Variants in FHIT observed in about 807,000 individuals in gnomAD.
FHIT encodes the protein bis(5'-adenosyl)-triphosphatase.
FHIT carries 19 observed loss-of-function variants against 17.9 expected under a neutral mutation model. That is an observed-to-expected ratio of 1.06 (90% confidence interval 0.74 to 1.56). The LOEUF (loss-of-function observed/expected upper bound fraction) is 1.56. FHIT is among the 40% of genes most tolerant of loss of function. FHIT has a pLI of 0.00. For missense variants in FHIT, 248 were observed against 189.2 expected, an observed-to-expected ratio of 1.31 and a Z score of -1.82; for synonymous variants, 81 against 69.7, an observed-to-expected ratio of 1.16 and a Z score of -0.81.
At chr3:61,030,903 T>A in intron 3 of FHIT, among the ~76,000 whole-genome samples, 1 of 152,032 alleles carries the variant, frequency 6.6e-6, no homozygotes, top group Non-Finnish European at 1.5e-5. Context: ...AAGGGTCCCA[T>A]GTGGCTGCAG....
chr3:60,636,121 G>A (rs1396599935), intron 4 of FHIT, among the ~76,000 whole-genome samples: 3 of 151,754 alleles, frequency 2.0e-5, no homozygotes, highest in Non-Finnish European at 4.4e-5. Context: ...CTGGAGTGCA[G>A]TGGCGCCATC....
At chr3:60,938,690 A>G (rs1422005708) in intron 3 of FHIT, among the ~76,000 whole-genome samples, 1 of 152,154 alleles carries the variant, frequency 6.6e-6, no homozygotes, top group Admixed American at 6.5e-5. Context: ...AGAATACCCA[A>G]TGTCCCTTGG....
At chr3:59,772,758 T>G (rs1376441270) in intron 8 of FHIT, among the ~76,000 whole-genome samples, 1 of 152,186 alleles carries the variant, frequency 6.6e-6, no homozygotes, top group African/African-American at 2.4e-5. Context: ...GCTTTAGATT[T>G]AGACCACCCA....
chr3:60,630,724 T>G (rs6765371), intron 4 of FHIT, among the ~76,000 whole-genome samples: 1 of 151,892 alleles, frequency 6.6e-6, no homozygotes, highest in Non-Finnish European at 1.5e-5. Context: ...GCTCATCTAG[T>G]TCTCCAGCTT....
intron 3 of FHIT, among the ~76,000 whole-genome samples, chr3:60,987,665 C>T (rs971631963): frequency 3.9e-5 from 6 of 152,204 alleles, no homozygotes; most frequent in Non-Finnish European, 7.3e-5. Flanking sequence ...ATTCCTCTAG[C>T]ACTGCTGGGT....
chr3:60,128,709 T>C (rs1481646711), intron 5 of FHIT, among the ~76,000 whole-genome samples: 1 of 151,932 alleles, frequency 6.6e-6, no homozygotes, highest in Non-Finnish European at 1.5e-5. Context: ...GTAGAAAGAG[T>C]GCTGGGATTG....
At chr3:60,547,303 T>C (rs1348569877) in intron 4 of FHIT, among the ~76,000 whole-genome samples, 2 of 152,162 alleles carry the variant, frequency 1.3e-5, no homozygotes, top group Non-Finnish European at 2.9e-5. Flanking sequence ...GAGAAGCAAA[T>C]ACTGGATTAG....
chr3:60,166,801 CT>C (rs2107386234), intron 5 of FHIT, among the ~76,000 whole-genome samples: 1 of 152,258 alleles, frequency 6.6e-6, no homozygotes, highest in South Asian at 2.1e-4. Context: ...CTTTGGTGAG[CT>C]TAAGGGAGTG....
chr3:60,651,905 C>T (rs2107808133), intron 4 of FHIT, among the ~76,000 whole-genome samples: 1 of 152,258 alleles, frequency 6.6e-6, no homozygotes, highest in African/African-American at 2.4e-5. Context: ...GCCTTTCCCA[C>T]CCAAAATACT....
At chr3:60,834,881 GAA>G (rs71092645) in intron 3 of FHIT, among the ~76,000 whole-genome samples, 10,686 of 94,438 alleles carry the variant, frequency 0.11, 490 homozygotes, top group South Asian at 0.19. Context: ...GAAAAGAAAA[GAA>G]AAAAAAAAAA....
intron 8 of FHIT, among the ~76,000 whole-genome samples, chr3:59,802,687 T>C (rs191452477): frequency 5.3e-4 from 80 of 152,336 alleles, no homozygotes; most frequent in Non-Finnish European, 8.1e-4. Flanking sequence ...AAAAGCTTTA[T>C]TGCTCACATA....
At chr3:60,394,806 C>T (rs899449898) in intron 5 of FHIT, among the ~76,000 whole-genome samples, 5 of 152,156 alleles carry the variant, frequency 3.3e-5, no homozygotes, top group African/African-American at 1.2e-4. Flanking sequence ...TTACCACTAT[C>T]ATCATCACTT....
chr3:60,179,547 A>G (rs1701829913), intron 5 of FHIT, among the ~76,000 whole-genome samples: 1 of 152,082 alleles, frequency 6.6e-6, no homozygotes, highest in Non-Finnish European at 1.5e-5. Context: ...TCAACATGGG[A>G]TTTTTGGAGG....
intron 5 of FHIT, among the ~76,000 whole-genome samples, chr3:60,382,359 T>C (rs114372580): frequency 1.6e-3 from 238 of 152,352 alleles, no homozygotes; most frequent in African/African-American, 5.4e-3. Flanking sequence ...ATTACACGTG[T>C]CTTTCCACGT....
At chr3:61,104,576 T>C (rs2035936167) in intron 2 of FHIT, among the ~76,000 whole-genome samples, 1 of 152,180 alleles carries the variant, frequency 6.6e-6, no homozygotes, top group African/African-American at 2.4e-5. Flanking sequence ...AGTATCTTAC[T>C]GGGGTTCTCT....
intron 4 of FHIT, among the ~76,000 whole-genome samples, chr3:60,639,970 T>C (rs1378888703): frequency 6.6e-6 from 1 of 152,148 alleles, no homozygotes; most frequent in Non-Finnish European, 1.5e-5. Context: ...AAAAGGAACA[T>C]TAACACATGC....
intron 5 of FHIT, among the ~76,000 whole-genome samples, chr3:60,473,982 G>T (rs544239468): frequency 6.6e-6 from 1 of 151,942 alleles, no homozygotes; most frequent in East Asian, 1.9e-4. Flanking sequence ...GGAGATGTAT[G>T]GGGGAAAGAC....
chr3:60,011,758 T>C (rs1387795250), intron 6 of FHIT, among the ~76,000 whole-genome samples: 2 of 152,204 alleles, frequency 1.3e-5, no homozygotes, highest in African/African-American at 4.8e-5. Context: ...TTAATTAATG[T>C]CTGATTACTT....
intron 2 of FHIT, among the ~76,000 whole-genome samples, chr3:61,198,895 CGATGATGATGATGAT>C (rs56054524): frequency 7.3e-5 from 11 of 150,700 alleles, no homozygotes; most frequent in South Asian, 2.1e-4. Flanking sequence ...CTGCCGCCGC[CGATGATGATGATGAT>C]GATGATGATG....
Sources: gnomAD v4.1 joint callset for allele counts (sites outside exome capture counted in the v4.1 genomes callset) on GRCh38, gnomAD v4.1.1 for gene constraint, MANE v1.5 for transcripts, NCBI Gene and HGNC (gene_info 2026-07-23, HGNC 2026-07-21) for gene names.